Variants in HNF4A observed in about 807,000 individuals in gnomAD.
The protein encoded by HNF4A is hepatocyte nuclear factor 4-alpha.
A neutral mutation model predicts 52.4 loss-of-function variants in HNF4A; 15 were observed. The ratio of observed to expected loss-of-function variants is 0.29; its 90% CI spans 0.19 to 0.44. HNF4A has a LOEUF of 0.44. Ranked by LOEUF, HNF4A falls within the 20% of genes least tolerant of loss-of-function variation. The probability of loss-of-function intolerance (pLI) is 1.00; values close to 1 mark genes in which losing one functional copy is unlikely to be tolerated. For missense variants in HNF4A, 479 were observed against 647.2 expected (o/e 0.74, Z 2.82); for synonymous variants, 280 against 264.4 (o/e 1.06, Z -0.57).
chr20:44,375,660 G>A lies in HNF4A; in HGVS notation c.49+19807G>A, dbSNP rs372937847. On this transcript the variant is annotated intron_variant, in intron 1 of 9. Coordinates refer to the HNF4A transcript ENST00000316673. ...GTGGGTGTTGGAAGGGAACTTTGAGGTTGTTAGGGCAGCCTTTCCTAAGGC... is the reference window on the plus strand; with the variant it reads ...GTGGGTGTTGGAAGGGAACTTTGAGATTGTTAGGGCAGCCTTTCCTAAGGC... 5.3e-5 allele frequency among the ~76,000 whole-genome samples: 8 copies of A among 152,280 alleles called. No homozygotes were observed. In the East Asian group the frequency reaches 7.7e-4, roughly 15 times the overall value.
chr20:44,371,652 C>T (rs1032835564), intron 1 of HNF4A, among the ~76,000 whole-genome samples: 3 of 151,960 alleles, frequency 2.0e-5, no homozygotes, highest in African/African-American at 7.2e-5. Flanking sequence ...GTGGGAAATC[C>T]CATCTCTACT....
intron 3 of HNF4A, among the ~76,000 whole-genome samples, chr20:44,408,706 A>G (rs1412551237): frequency 1.3e-5 from 2 of 152,102 alleles, no homozygotes; most frequent in Non-Finnish European, 2.9e-5. Flanking sequence ...CAGACTGGGC[A>G]AGACAGCGAG....
chr20:44,372,056 C>G (rs1226739447), intron 1 of HNF4A, among the ~76,000 whole-genome samples: 1 of 152,152 alleles, frequency 6.6e-6, no homozygotes, highest in East Asian at 1.9e-4. Context: ...GAACTTTGCT[C>G]ACACCCTATC....
intron 1 of HNF4A, among the ~76,000 whole-genome samples, chr20:44,403,546 T>C (rs908803624): frequency 6.6e-6 from 1 of 152,192 alleles, no homozygotes; most frequent in Non-Finnish European, 1.5e-5. Context: ...AGTTGTCCTC[T>C]GAAGTGTTTT....
chr20:44,414,644 G>C lies in HNF4A; in HGVS notation c.630G>C (p.Glu210Asp). 1 of 1,609,534 alleles carries C rather than the reference G, an allele frequency of 6.2e-7. No homozygotes were observed. The highest frequency in any genetic ancestry group is 8.5e-7 in the Non-Finnish European group (1 of 1,177,810). ...CCAAGTACATCCCAGCTTTCTGCGA[G>C]CTCCCCCTGGACGACCAGGTGAGGA... The change falls in exon 5 of 10, where the codon GAG becomes GAC. Residue 210 changes from glutamate to aspartate, a missense_variant. Physicochemically the swap from Glu to Asp is conservative, Grantham distance 45 (BLOSUM62 2). Transcript: ENST00000316099.
chr20:44,366,704 A>G (rs1182785767), intron 1 of HNF4A, among the ~76,000 whole-genome samples: 1 of 152,228 alleles, frequency 6.6e-6, no homozygotes, highest in African/African-American at 2.4e-5. Context: ...TAGTCCACAA[A>G]CACTTTTAAA....
At chr20:44,384,223 ATAG>A (rs2063192461) in intron 1 of HNF4A, among the ~76,000 whole-genome samples, 3 of 149,596 alleles carry the variant, frequency 2.0e-5, no homozygotes, top group South Asian at 4.2e-4. Context: ...TGAAAGGCAA[ATAG>A]TATTAAGTCA....
intron 1 of HNF4A, among the ~76,000 whole-genome samples, chr20:44,386,578 G>A (rs887704165): frequency 2.6e-5 from 4 of 152,170 alleles, no homozygotes; most frequent in African/African-American, 7.2e-5. Flanking sequence ...CCAGCACAGT[G>A]GTTCTCAGTG....
At position 44,407,387 on chromosome 20, in the gene HNF4A, C is replaced by T. The variant is rs761295403; in HGVS notation, c.297C>T (p.Ser99=). 6.2e-7 allele frequency: 1 copy of T among 1,609,448 alleles called. No individual in the cohort carries two copies. The highest frequency in any genetic ancestry group is 8.5e-7 in the Non-Finnish European group (1 of 1,177,492). Reference sequence around the variant, plus strand: ...CATCCAAAGCCCTCCCCAGATTTAGCCGGCAGTGCGTGGTGGACAAAGACA... The same window carrying T: ...CATCCAAAGCCCTCCCCAGATTTAGTCGGCAGTGCGTGGTGGACAAAGACA... The change falls in exon 3 of 10, where the codon AGC becomes AGT. Residue 99 remains serine, a synonymous_variant. Transcript: ENST00000316099.
chr20:44,390,739 A>C, intron 1 of HNF4A: 1 of 691,480 alleles, frequency 1.4e-6, no homozygotes, highest in Non-Finnish European at 2.6e-6. Context: ...AGAGAGACAC[A>C]GAACCAAGGG....
upstream of HNF4A, among the ~76,000 whole-genome samples, chr20:44,396,892 G>C (rs896460782): frequency 6.6e-6 from 1 of 152,202 alleles, no homozygotes; most frequent in Admixed American, 6.5e-5. Flanking sequence ...TGACCCACAA[G>C]GTCTGTGGTT....
At chr20:44,407,356 T>C in intron 2 of HNF4A, 25 bp from the exon 3 acceptor site, 1 of 1,569,878 alleles carries the variant, frequency 6.4e-7, no homozygotes, top group Non-Finnish European at 8.7e-7. Flanking sequence ...GTCTTCTCCA[T>C]CCAACCATCC....
chr20:44,418,463 G>T lies in HNF4A; in HGVS notation c.687G>T (p.Leu229=). Residue 229 remains leucine, a synonymous_variant, in exon 6 of 10, where the codon CTG becomes CTT. Coordinates refer to ENST00000316099, the MANE Select transcript of HNF4A (RefSeq NM_000457.6). ...GAGCCCATGCTGGCGAGCACCTGCT[G>T]CTCGGAGCCACCAAGAGATCCATGG... The T allele has an allele frequency of 6.2e-7, 1 of 1,613,836 alleles. No homozygotes were observed. Among genetic ancestry groups the T allele is most frequent in the Non-Finnish European group, 8.5e-7 (1 of 1,180,000 alleles).
chr20:44,428,588 A>C, intron 9 of HNF4A, 101 bp downstream of exon 9: 1 of 1,175,208 alleles, frequency 8.5e-7, no homozygotes, highest in Admixed American at 2.0e-5. Flanking sequence ...AGGATGCAAC[A>C]GTTTTCTGGG....
intron 9 of HNF4A, among the ~76,000 whole-genome samples, chr20:44,429,038 G>A (rs1039469591): frequency 6.6e-6 from 1 of 152,132 alleles, no homozygotes; most frequent in Non-Finnish European, 1.5e-5. Context: ...TGGCCAATTG[G>A]GTCAAATTTG....
At chr20:44,413,104 G>A (rs944632984) in intron 3 of HNF4A, among the ~76,000 whole-genome samples, 14 of 152,178 alleles carry the variant, frequency 9.2e-5, no homozygotes, top group African/African-American at 2.7e-4. Flanking sequence ...CTGGGGCCCC[G>A]GTGGGCGTAG....
chr20:44,392,653 A>G (rs887519993), intron 1 of HNF4A, among the ~76,000 whole-genome samples: 2 of 152,204 alleles, frequency 1.3e-5, no homozygotes, highest in African/African-American at 2.4e-5. Flanking sequence ...CAACATCTGT[A>G]TATTTTAAAG....
At chr20:44,405,087 C>CGTGTGTGTGGACTGTGTGGTGT (rs2063480575) in intron 1 of HNF4A, among the ~76,000 whole-genome samples, 2 of 13,716 alleles carry the variant, frequency 1.5e-4, no homozygotes, top group South Asian at 2.0e-3. Context: ...CTGTGTGGTG[C>CGTGTGTGTGGACTGTGTGGTGT]GTGTGTGTGC....
rs1028937748 is a variant in HNF4A at position 44,419,767 on chromosome 20, G to A, written c.783G>A (p.Met261Ile). The change falls in exon 7 of 10, where the codon ATG becomes ATA. Residue 261 changes from methionine to isoleucine, a missense_variant. Transcript: ENST00000316099. ...GGCACTGCCCGGAGCTGGCGGAGAT[G>A]AGCCGGGTGTCCATACGCATCCTTG... is the stretch of plus-strand genomic sequence containing the variant. 4.3e-6 allele frequency: 7 copies of A among 1,609,446 alleles called. No homozygotes were observed. In the African/African-American group the frequency reaches 8.0e-5, roughly 18 times the overall value.
Sources: allele counts gnomAD v4.1 joint callset (sites outside exome capture counted in the v4.1 genomes callset), GRCh38; gene constraint gnomAD v4.1.1; transcripts MANE v1.5; gene names NCBI Gene and HGNC (gene_info 2026-07-23, HGNC 2026-07-21).